Variants in ABCC12 observed in about 807,000 individuals in gnomAD.
ABCC12 encodes the protein ATP-binding cassette sub-family C member 12.
A neutral mutation model predicts 151.1 loss-of-function variants in ABCC12; 142 were observed. The observed-to-expected ratio is 0.94, with a 90% confidence interval of 0.82 to 1.08. The LOEUF (loss-of-function observed/expected upper bound fraction) is 1.08. Ranked by LOEUF, ABCC12 falls within the 50% of genes least tolerant of loss-of-function variation. The pLI is 0.00. For synonymous variants in ABCC12, 645 were observed against 646.4 expected (o/e 1.00, Z 0.03); for missense variants, 1,638 against 1,691.1 (o/e 0.97, Z 0.55).
intron 21 of ABCC12, among the ~76,000 whole-genome samples, chr16:48,104,762 C>T (rs1963427903): frequency 6.6e-6 from 1 of 152,200 alleles, no homozygotes; most frequent in Non-Finnish European, 1.5e-5. Flanking sequence ...CTAGCCAGGG[C>T]CCTCCCAGGC....
At chr16:48,113,477 C>T (rs532766059) in intron 15 of ABCC12, among the ~76,000 whole-genome samples, 9 of 152,200 alleles carry the variant, frequency 5.9e-5, no homozygotes, top group African/African-American at 1.4e-4. Context: ...TTCTGCAAGC[C>T]GTCACCAAAT....
In ABCC12 at chr16:48,115,077, C is replaced by T. The variant is rs1026062323; in HGVS notation, c.1989+338G>A. Among the ~76,000 whole-genome samples, 6 of 152,110 alleles carry T rather than the reference C, an allele frequency of 3.9e-5. No homozygotes were observed. In the East Asian group the frequency reaches 9.6e-4, roughly 24 times the overall value. On this transcript the variant is annotated intron_variant, in intron 15 of 30. Transcript: ENST00000311303. ...AGAATTGCTGGAGTAAGGGTGGGGC[C>T]GTCATTGTTTTCCCTGGCTCCCCAT...
chr16:48,130,840 G>A lies in ABCC12; in HGVS notation c.1184C>T (p.Pro395Leu), dbSNP rs768131343. The A allele has an allele frequency of 3.8e-5, 61 of 1,613,712 alleles. No homozygotes were observed. Among genetic ancestry groups the A allele is most frequent in the Non-Finnish European group, 5.1e-5 (60 of 1,179,850 alleles). ...TTCAGCCATTGCTTTGATGGAGAAGGGCAAGATTGCAATGGAAAACTTCAT... is the reference window on the plus strand; with the variant it reads ...TTCAGCCATTGCTTTGATGGAGAAGAGCAAGATTGCAATGGAAAACTTCAT... Reference protein sequence around the residue: ...NVMKFSIAILPFSIKAMAEAN... With the variant: ...NVMKFSIAILLFSIKAMAEAN... The change falls in exon 10 of 31, where the codon CCC becomes CTC. Residue 395 changes from proline to leucine, a missense_variant. Physicochemically the swap from Pro to Leu is moderately conservative, Grantham distance 98 (BLOSUM62 -3). Coordinates refer to ENST00000311303, the MANE Select transcript of ABCC12 (RefSeq NM_001393797.1).
intron 8 of ABCC12, 64 bp downstream of exon 8, chr16:48,138,164 G>T: frequency 6.7e-7 from 1 of 1,492,176 alleles, no homozygotes; most frequent in South Asian, 1.4e-5. Context: ...GGAACCGTAA[G>T]AACCCCTTAG....
intron 13 of ABCC12, among the ~76,000 whole-genome samples, chr16:48,117,548 T>C (rs1963927461): frequency 6.6e-6 from 1 of 152,172 alleles, no homozygotes; most frequent in South Asian, 2.1e-4. Context: ...GCAGAGTTGA[T>C]TCAGGAATGG....
Position 48,083,657 on chromosome 16 carries a change from A to T in ABCC12, c.*58T>A, listed in dbSNP as rs1277696425. The T allele has an allele frequency of 1.3e-6, 2 of 1,559,972 alleles. No individual in the cohort carries two copies. Among genetic ancestry groups the T allele is most frequent in the African/African-American group, 2.7e-5 (2 of 73,074 alleles). On this transcript the variant is annotated 3_prime_UTR_variant, in exon 31 of 31. Transcript: ENST00000311303. ...GAGAGGACAGCCCCTCCTCCTGAAGACTCCTCCTATTCATCTCACAGAGCC... is the reference window on the plus strand; with the variant it reads ...GAGAGGACAGCCCCTCCTCCTGAAGTCTCCTCCTATTCATCTCACAGAGCC...
rs1001103551 is a variant in ABCC12, at chr16:48,151,233, C to T, written c.-51+2383G>A. ...AAAAAGGGCACTTTACCTCTGAGGT[C>T]CTCCGCCCAAAACCTCATAACGCCG... is the stretch of plus-strand genomic sequence containing the variant. On this transcript the variant is annotated intron_variant, in intron 2 of 30. Coordinates refer to ENST00000311303, the MANE Select transcript of ABCC12 (RefSeq NM_001393797.1). 1.9e-4 allele frequency among the ~76,000 whole-genome samples: 29 copies of T among 152,178 alleles called. 1 individual carries two copies. The highest frequency in any genetic ancestry group is 1.5e-5 in the Non-Finnish European group (1 of 68,032).
Position 48,133,832 on chromosome 16 carries a change from A to G in ABCC12, c.983T>C (p.Ile328Thr). ...EKSFTNTIQD[I>T]RRRERKLLEK... is the part of the protein sequence containing the mutation. ...CAGTAATTTTCTTTCCCTCCTTCTT[A>G]TATCTGCAAAATAGAACACAGTCCA... Residue 328 changes from isoleucine (I) to threonine (T), a missense_variant, in exon 9 of 31, where the codon ATA becomes ACA. Physicochemically the swap from Ile to Thr is moderately conservative, Grantham distance 89. Transcript: ENST00000311303. 3 of 1,614,108 alleles carry G rather than the reference A, an allele frequency of 1.9e-6. No individual in the cohort carries two copies. Among genetic ancestry groups the G allele is most frequent in the South Asian group, 1.1e-5 (1 of 91,078 alleles).
At chr16:48,130,686 C>A in intron 10 of ABCC12, 102 bp downstream of exon 10, 1 of 858,202 alleles carries the variant, frequency 1.2e-6, no homozygotes, top group East Asian at 2.5e-5. Flanking sequence ...ACTCAACAAG[C>A]GACCCAGCTC....
intron 29 of ABCC12, 25 bp from the exon 30 acceptor site, chr16:48,084,098 C>A: frequency 1.3e-6 from 2 of 1,581,930 alleles, no homozygotes; most frequent in Non-Finnish European, 1.7e-6. Flanking sequence ...ACATTATAAG[C>A]CAAAGGCGCA....
intron 2 of ABCC12, among the ~76,000 whole-genome samples, chr16:48,149,384 T>C (rs1284385387): frequency 6.6e-6 from 1 of 151,106 alleles, no homozygotes; most frequent in African/African-American, 2.4e-5. Context: ...ATAAATGGAG[T>C]AAATATTTCA....
chr16:48,129,639 C>T (rs1046625531), intron 10 of ABCC12, among the ~76,000 whole-genome samples: 1 of 152,172 alleles, frequency 6.6e-6, no homozygotes, highest in African/African-American at 2.4e-5. Context: ...GGTAATCATA[C>T]CAATATTTTG....
At chr16:48,099,464 T>G (rs147885944) in intron 23 of ABCC12, among the ~76,000 whole-genome samples, 2,691 of 152,290 alleles carry the variant, frequency 0.018, 88 homozygotes, top group Admixed American at 0.086. Context: ...GATGCACCCT[T>G]TAGAACTGCA....
intron 13 of ABCC12, among the ~76,000 whole-genome samples, chr16:48,120,295 C>T (rs1597315268): frequency 6.6e-6 from 1 of 152,232 alleles, no homozygotes; most frequent in South Asian, 2.1e-4. Context: ...AAGATGGCAA[C>T]AAGAGGCAGT....
chr16:48,108,300 G>GA, intron 19 of ABCC12, 140 bp downstream of exon 19: 2 of 749,390 alleles, frequency 2.7e-6, no homozygotes, highest in Non-Finnish European at 2.1e-6. Context: ...TTTAGGAGGG[G>GA]AAAAAATAAA....
chr16:48,149,244 C>CAA (rs1175912271), intron 2 of ABCC12, among the ~76,000 whole-genome samples: 4 of 65,066 alleles, frequency 6.1e-5, no homozygotes, highest in African/African-American at 9.9e-5. Flanking sequence ...GTAGATTAAC[C>CAA]AAAAAAAAAA....
intron 13 of ABCC12, 112 bp from the exon 14 acceptor site, chr16:48,117,445 G>A (rs1012713333): frequency 2.0e-5 from 23 of 1,156,034 alleles, no homozygotes; most frequent in Non-Finnish European, 2.7e-5. Context: ...AGGGGTGGCG[G>A]CTGCTATGTC....
chr16:48,108,577 G>T (rs1963579950), intron 18 of ABCC12, 48 bp from the exon 19 acceptor site: 1 of 1,539,856 alleles, frequency 6.5e-7, no homozygotes, highest in East Asian at 2.2e-5. Context: ...TGGGGTGGGG[G>T]CCCAGCGAGG....
At chr16:48,138,601 A>G (rs1964692422) in intron 7 of ABCC12, among the ~76,000 whole-genome samples, 1 of 152,116 alleles carries the variant, frequency 6.6e-6, no homozygotes, top group Non-Finnish European at 1.5e-5. Flanking sequence ...ACTCAAAGAG[A>G]GTGCTGGGGG....
Sources: gnomAD v4.1 joint callset for allele counts (sites outside exome capture counted in the v4.1 genomes callset) on GRCh38, gnomAD v4.1.1 for gene constraint, MANE v1.5 for transcripts, NCBI Gene and HGNC (gene_info 2026-07-23, HGNC 2026-07-21) for gene names.